Variants in MCTP2 observed in about 807,000 individuals in gnomAD.
MCTP2 encodes multiple C2 and transmembrane domain containing 2.
In MCTP2, 132 loss-of-function variants were observed where a neutral mutation model predicts 111.6. That is an observed-to-expected ratio of 1.18 (90% CI 1.03 to 1.37). MCTP2 has a LOEUF of 1.37. Among genes scored for constraint, MCTP2 ranks in the 40% most tolerant of loss-of-function variants. MCTP2 has a pLI of 0.00. For missense variants in MCTP2, 1,183 were observed against 1,067.9 expected, an observed-to-expected ratio of 1.11 and a Z score of -1.50; for synonymous variants, 395 against 387.7, an observed-to-expected ratio of 1.02 and a Z score of -0.22.
At chr15:94,478,006 C>T (rs1355055123) in intron 22 of MCTP2, among the ~76,000 whole-genome samples, 1 of 152,142 alleles carries the variant, frequency 6.6e-6, no homozygotes, top group Non-Finnish European at 1.5e-5. Flanking sequence ...AAAGTACAGC[C>T]TGACTTCTGT....
intron 1 of MCTP2, among the ~76,000 whole-genome samples, chr15:94,235,167 C>T (rs919811968): frequency 6.6e-6 from 1 of 151,680 alleles, no homozygotes; most frequent in East Asian, 1.9e-4. Flanking sequence ...AGGAGAATGG[C>T]TTGAACTTGG....
chr15:94,452,443 C>G (rs2152521449), intron 19 of MCTP2, among the ~76,000 whole-genome samples: 1 of 152,260 alleles, frequency 6.6e-6, no homozygotes, highest in East Asian at 1.9e-4. Context: ...TTGGGCCTTC[C>G]AGTCATTCTT....
intron 12 of MCTP2, among the ~76,000 whole-genome samples, chr15:94,383,445 G>A (rs964851601): frequency 1.3e-5 from 2 of 152,206 alleles, no homozygotes; most frequent in Non-Finnish European, 2.9e-5. Flanking sequence ...GTCTTGGGTG[G>A]TGTGTTAGTC....
intron 4 of MCTP2, among the ~76,000 whole-genome samples, chr15:94,330,984 T>A (rs1417600738): frequency 6.6e-6 from 1 of 152,160 alleles, no homozygotes; most frequent in African/African-American, 2.4e-5. Flanking sequence ...TCCACCTGCC[T>A]CGGCCTCCCA....
chr15:94,422,128 T>C (rs2082655600), intron 17 of MCTP2, among the ~76,000 whole-genome samples: 1 of 152,152 alleles, frequency 6.6e-6, no homozygotes, highest in South Asian at 2.1e-4. Flanking sequence ...ATACTTGGTG[T>C]GTTCAGTCTC....
At chr15:94,433,692 A>T (rs1194923741) in intron 17 of MCTP2, among the ~76,000 whole-genome samples, 1 of 152,206 alleles carries the variant, frequency 6.6e-6, no homozygotes, top group East Asian at 1.9e-4. Flanking sequence ...TTCAAATTGG[A>T]TGTACCATTT....
Position 94,391,150 on chromosome 15 carries a change from G to A in MCTP2, c.1788+5625G>A, listed in dbSNP as rs188289620. Among the ~76,000 whole-genome samples the A allele has an allele frequency of 1.4e-3, 213 of 152,112 alleles. 1 individual carries two copies. The highest frequency in any genetic ancestry group is 2.4e-3 in the Non-Finnish European group (163 of 68,006). On this transcript the variant is annotated intron_variant, in intron 14 of 22. Coordinates refer to ENST00000357742, the MANE Select transcript of MCTP2 (RefSeq NM_001385001.1). ...GTCCTTCTAAATTCCCAGTGTTCTC[G>A]GTGAATCCATGTACACCCGATAGCT...
At chr15:94,304,714 T>A (rs2075802272) in intron 2 of MCTP2, among the ~76,000 whole-genome samples, 1 of 152,112 alleles carries the variant, frequency 6.6e-6, no homozygotes, top group South Asian at 2.1e-4. Flanking sequence ...TGAATGGCAT[T>A]TCATACACCA....
chr15:94,234,731 C>T (rs2070421217), intron 1 of MCTP2, among the ~76,000 whole-genome samples: 1 of 152,164 alleles, frequency 6.6e-6, no homozygotes, highest in African/African-American at 2.4e-5. Context: ...TATCAGTCAC[C>T]ATTTATTGGG....
rs28510466 is a variant in MCTP2, at chr15:94,341,253, A to C, written c.969+329A>C. On this transcript the variant is annotated intron_variant, in intron 7 of 22. Transcript: ENST00000357742. ...GTTCTTTTGGGAAGATACAAATTTT[A>C]ATGTTCTCTAGTCTAGTACATGCAA... 197 of 302,818 alleles carry C rather than the reference A, an allele frequency of 6.5e-4. 1 individual carries two copies. Among genetic ancestry groups the C allele is most frequent in the African/African-American group, 4.0e-3 (184 of 46,154 alleles). 18.8% of individuals were successfully genotyped at this position (302,818 alleles called of 1,614,324 possible).
intron 4 of MCTP2, among the ~76,000 whole-genome samples, chr15:94,326,714 T>C (rs1037088570): frequency 1.3e-5 from 2 of 151,840 alleles, no homozygotes; most frequent in African/African-American, 2.4e-5. Context: ...ATTACAGGCA[T>C]GGGCCACCAC....
intron 1 of MCTP2, among the ~76,000 whole-genome samples, chr15:94,236,340 T>TA (rs1397341823): frequency 7.2e-6 from 1 of 138,120 alleles, no homozygotes; most frequent in African/African-American, 2.6e-5. Context: ...GGTAAAAAAA[T>TA]AAAAAGTTGC....
chr15:94,418,792 G>A (rs7179874), intron 17 of MCTP2, among the ~76,000 whole-genome samples: 19,348 of 152,000 alleles, frequency 0.13, 1,632 homozygotes, highest in Non-Finnish European at 0.19. Context: ...ACATTTAAGA[G>A]AATAAAAACT....
At chr15:94,352,470 C>T (rs535436588) in intron 8 of MCTP2, among the ~76,000 whole-genome samples, 12 of 152,198 alleles carry the variant, frequency 7.9e-5, no homozygotes, top group African/African-American at 2.4e-4. Flanking sequence ...ATAGGAATAG[C>T]GAAAGGTCTG....
chr15:94,276,200 C>T (rs1449610149), intron 1 of MCTP2, among the ~76,000 whole-genome samples: 1 of 151,632 alleles, frequency 6.6e-6, no homozygotes, highest in Non-Finnish European at 1.5e-5. Flanking sequence ...GTATTCTATG[C>T]CAGAAAAAAT....
At chr15:94,358,041 T>A (rs1319785882) in intron 9 of MCTP2, among the ~76,000 whole-genome samples, 1 of 152,208 alleles carries the variant, frequency 6.6e-6, no homozygotes, top group Non-Finnish European at 1.5e-5. Flanking sequence ...AGCTGACAGA[T>A]GTTAATTAAG....
At chr15:94,441,506 A>G (rs1409630979) in intron 18 of MCTP2, among the ~76,000 whole-genome samples, 1 of 152,194 alleles carries the variant, frequency 6.6e-6, no homozygotes, top group Non-Finnish European at 1.5e-5. Context: ...TGTTTATAGT[A>G]TGTGCATATG....
intron 19 of MCTP2, among the ~76,000 whole-genome samples, chr15:94,452,545 TAAAC>T (rs2084528883): frequency 6.6e-6 from 1 of 152,178 alleles, no homozygotes; most frequent in Non-Finnish European, 1.5e-5. Flanking sequence ...ATAAACCTGA[TAAAC>T]TATTTTTTTC....
intron 14 of MCTP2, among the ~76,000 whole-genome samples, chr15:94,396,304 A>G (rs369142009): frequency 6.6e-6 from 1 of 152,180 alleles, no homozygotes; most frequent in East Asian, 1.9e-4. Context: ...AATGAAAAGT[A>G]TATATAGATT....
Sources: gnomAD v4.1 joint callset for allele counts (sites outside exome capture counted in the v4.1 genomes callset) on GRCh38, gnomAD v4.1.1 for gene constraint, MANE v1.5 for transcripts, NCBI Gene and HGNC (gene_info 2026-07-23, HGNC 2026-07-21) for gene names.